CDK13: variants seen among roughly 807,000 people sequenced by gnomAD.
The protein encoded by CDK13 is cyclin dependent kinase 13.
Under a neutral mutation model 137.6 loss-of-function variants are expected in CDK13, and 40 were observed. That is an observed-to-expected ratio of 0.29 (90% CI 0.23 to 0.38). CDK13 has a LOEUF of 0.38. Among genes scored for constraint, CDK13 ranks in the 10% least tolerant of loss-of-function variants. The probability of loss-of-function intolerance (pLI) is 1.00; values close to 1 mark genes in which losing one functional copy is unlikely to be tolerated. For missense variants in CDK13, 1,704 were observed against 1,951.8 expected (o/e 0.87, Z 2.39); for synonymous variants, 869 against 760.1 (o/e 1.14, Z -2.36).
At chr7:40,007,570 T>C (rs1460041266) in intron 5 of CDK13, among the ~76,000 whole-genome samples, 1 of 152,054 alleles carries the variant, frequency 6.6e-6, no homozygotes, top group African/African-American at 2.4e-5. Context: ...GGATTACAGA[T>C]GTCCGCCACC....
At chr7:40,058,221 G>A (rs189833619) in intron 7 of CDK13, among the ~76,000 whole-genome samples, 38 of 152,266 alleles carry the variant, frequency 2.5e-4, no homozygotes, top group African/African-American at 7.9e-4. Context: ...GGAGGTTTAA[G>A]GTCAAAGGTT....
chr7:39,985,024 G>A (rs1784307647), intron 1 of CDK13: 1 of 151,488 alleles, frequency 6.6e-6, no homozygotes, highest in Non-Finnish European at 1.5e-5. Context: ...GAAAAAAAAT[G>A]TGACTATAGT....
rs751601537 is a variant in CDK13 at position 39,987,929 on chromosome 7, T to G, written c.1542T>G (p.Asp514Glu). Residue 514 changes from aspartate to glutamate, a missense_variant, in exon 2 of 14, where the codon GAT becomes GAG. Around this residue, in one of 5 missense-constraint regions of CDK13, gnomAD observed 1,051 missense variants for 931.0 expected, o/e 1.13. Transcript: ENST00000181839. ...CATCACAAACAAACCATGTGAAGGA[T>G]GTGAAGAAAATTAAAATTGAACATG... is the stretch of plus-strand genomic sequence containing the variant. ...ASASQTNHVK[D>E]VKKIKIEHAP... 1.9e-6 allele frequency: 3 copies of G among 1,614,038 alleles called. No homozygotes were observed. The South Asian group carries it at 3.3e-5, about 18-fold the overall frequency.
chr7:40,014,888 A>G (rs1583990337), intron 5 of CDK13, among the ~76,000 whole-genome samples: 1 of 152,196 alleles, frequency 6.6e-6, no homozygotes, highest in Non-Finnish European at 1.5e-5. Flanking sequence ...TTTGAGTAAC[A>G]TTGAAAGCTG....
At chr7:40,068,312 G>GTT (rs562603513) in intron 9 of CDK13, among the ~76,000 whole-genome samples, 2 of 143,816 alleles carry the variant, frequency 1.4e-5, no homozygotes, top group Non-Finnish European at 3.1e-5. Context: ...GGCATATTTG[G>GTT]TTTTTTTTTT....
Position 39,951,172 on chromosome 7 carries a change from C to T in CDK13, c.531C>T (p.Ser177=), listed in dbSNP as rs1787168428. ...CGGCTGCCGGGGGAACGGGGGGCAG[C>T]GGCGGGAGTCCGGCCTCCTCCTCCG... The part of the protein sequence containing the change: ...AATAAGGTGG[S]GGSPASSSGT... Residue 177 remains serine, a synonymous_variant, in exon 1 of 14, where the codon AGC becomes AGT. Transcript: ENST00000181839. The T allele has an allele frequency of 2.5e-5, 31 of 1,242,964 alleles. No homozygotes were observed. Among genetic ancestry groups the T allele is most frequent in the Non-Finnish European group, 3.1e-5 (31 of 995,330 alleles). 77.0% of individuals were successfully genotyped at this position (1,242,964 alleles called of 1,614,324 possible). A position where few individuals can be genotyped will look rare whatever the true frequency, so the allele number is the denominator to read the frequency against.
At chr7:39,997,285 C>G (rs1020132717) in intron 2 of CDK13, among the ~76,000 whole-genome samples, 1 of 151,874 alleles carries the variant, frequency 6.6e-6, no homozygotes, top group African/African-American at 2.4e-5. Flanking sequence ...TAGTTTTTAC[C>G]TAATTCTATA....
intron 5 of CDK13, among the ~76,000 whole-genome samples, chr7:40,032,409 A>G (rs1785399907): frequency 6.6e-6 from 1 of 152,164 alleles, no homozygotes; most frequent in South Asian, 2.1e-4. Context: ...TATCCAACAT[A>G]TTAGTTTCTT....
chr7:39,978,664 G>A (rs1258116236), intron 1 of CDK13, among the ~76,000 whole-genome samples: 1 of 152,180 alleles, frequency 6.6e-6, no homozygotes, highest in African/African-American at 2.4e-5. Context: ...GCCTAGCATA[G>A]TGCATCTCAG....
intron 5 of CDK13, among the ~76,000 whole-genome samples, chr7:40,028,691 T>G (rs950172543): frequency 8.5e-5 from 13 of 152,194 alleles, no homozygotes; most frequent in Non-Finnish European, 1.8e-4. Flanking sequence ...GTTTCCAACT[T>G]TTATTGAATT....
chr7:39,966,378 C>A (rs541898544), intron 1 of CDK13, among the ~76,000 whole-genome samples: 2 of 152,144 alleles, frequency 1.3e-5, no homozygotes, highest in African/African-American at 4.8e-5. Context: ...ATCACTGATA[C>A]CCTTTCTTCC....
intron 5 of CDK13, among the ~76,000 whole-genome samples, chr7:40,010,722 A>ATCTGCCG (rs1784876961): frequency 6.6e-6 from 1 of 152,154 alleles, no homozygotes; most frequent in Non-Finnish European, 1.5e-5. Flanking sequence ...CTCACCTGCC[A>ATCTGCCG]CTCATCTGCT....
intron 1 of CDK13, among the ~76,000 whole-genome samples, chr7:39,965,199 G>C (rs924513538): frequency 6.6e-6 from 1 of 152,136 alleles, no homozygotes; most frequent in Non-Finnish European, 1.5e-5. Flanking sequence ...CTGTCTCGTT[G>C]ATCTGTCTAA....
At chr7:40,086,809 C>CTTT (rs35337864) in intron 11 of CDK13, among the ~76,000 whole-genome samples, 57 of 122,470 alleles carry the variant, frequency 4.7e-4, no homozygotes, top group Middle Eastern at 4.6e-3. Flanking sequence ...TAGCCTTACT[C>CTTT]TTTTTTTTTT....
At position 40,094,722 on chromosome 7, in the gene CDK13, T is replaced by G; in HGVS notation, c.4281T>G (p.Phe1427Leu). The G allele has an allele frequency of 6.2e-7, 1 of 1,614,190 alleles. No individual in the cohort carries two copies. Among genetic ancestry groups the G allele is most frequent in the African/African-American group, 1.3e-5 (1 of 75,058 alleles). ...MLFSGDKDHR[F>L]EYSHGPIAVL... ...TTAGTGGAGACAAGGACCATAGATT[T>G]GAATATAGCCATGGTCCTATTGCAG... Residue 1427 changes from phenylalanine to leucine, a missense_variant, in exon 14 of 14, where the codon TTT (phenylalanine) becomes TTG (leucine). Transcript: ENST00000181839.
At chr7:39,974,570 T>C (rs80336978) in intron 1 of CDK13, among the ~76,000 whole-genome samples, 2 of 133,686 alleles carry the variant, frequency 1.5e-5, no homozygotes, top group African/African-American at 5.5e-5. Context: ...TTTTTTTTTT[T>C]TTTTTGTTTT....
In CDK13 at chr7:39,987,905, A is replaced by C; in HGVS notation, c.1518A>C (p.Ala506=). Residue 506 remains alanine, a synonymous_variant, in exon 2 of 14, where the codon GCA becomes GCC. Transcript: ENST00000181839. The part of the protein sequence containing the change: ...TKGNTETSAS[A]SQTNHVKDVK... ...GGAACACGGAAACTAGTGCCAGTGCATCACAAACAAACCATGTGAAGGATG... is the reference window on the plus strand; with the variant it reads ...GGAACACGGAAACTAGTGCCAGTGCCTCACAAACAAACCATGTGAAGGATG... The C allele has an allele frequency of 6.2e-7, 1 of 1,614,236 alleles. No individual in the cohort carries two copies. The highest frequency in any genetic ancestry group is 8.5e-7 in the Non-Finnish European group (1 of 1,180,022).
intron 1 of CDK13, among the ~76,000 whole-genome samples, chr7:39,979,700 C>T (rs187910281): frequency 1.6e-3 from 237 of 152,228 alleles, no homozygotes; most frequent in African/African-American, 5.6e-3. Context: ...TTACACCTTA[C>T]ATTTTAAGAG....
Position 39,958,758 on chromosome 7 carries a change from A to G in CDK13, c.1211+6906A>G, listed in dbSNP as rs183602319. Reference sequence around the variant, plus strand: ...AAATTTTTTTTTGTGTATTTGTTCCATTATCTTTAGATTGAATTTCCTGGG... The same window carrying G: ...AAATTTTTTTTTGTGTATTTGTTCCGTTATCTTTAGATTGAATTTCCTGGG... On this transcript the variant is annotated intron_variant, in intron 1 of 13. Transcript: ENST00000181839. 7.9e-5 allele frequency among the ~76,000 whole-genome samples: 12 copies of G among 151,456 alleles called. No homozygotes were observed. The East Asian group carries it at 2.3e-3, about 29-fold the overall frequency.
Sources: gnomAD v4.1 joint callset for allele counts (sites outside exome capture counted in the v4.1 genomes callset) on GRCh38, gnomAD v4.1.1 for gene constraint, gnomAD v4.1.1 regional missense constraint, MANE v1.5 for transcripts, NCBI Gene and HGNC (gene_info 2026-07-23, HGNC 2026-07-21) for gene names.